Variants in CPAP observed in about 807,000 individuals in gnomAD.
CPAP encodes centrosomal P4.1-associated protein.
the CPAP span, among the ~76,000 whole-genome samples, chr13:24,932,636 T>C: frequency 2.6e-5 from 4 of 152,246 alleles, no homozygotes; most frequent in African/African-American, 7.2e-5. Flanking sequence ...CATAGAATTA[T>C]ATACAAAAAC....
the CPAP span, among the ~76,000 whole-genome samples, chr13:24,890,532 C>T: frequency 6.6e-6 from 1 of 152,214 alleles, no homozygotes; most frequent in Non-Finnish European, 1.5e-5. Context: ...TTGTCACACA[C>T]ACTGTCAGCT....
chr13:24,906,414 T>A, the CPAP span: 29 of 1,613,758 alleles, frequency 1.8e-5, no homozygotes, highest in Non-Finnish European at 2.5e-5. Flanking sequence ...GTCTCCCTTA[T>A]GGGGCTCTTA....
the CPAP span, chr13:24,883,149 C>CTGT: frequency 6.3e-7 from 1 of 1,589,866 alleles, no homozygotes; most frequent in Admixed American, 1.7e-5. Context: ...AAGTCAGTTA[C>CTGT]TGTTACTTCA....
At chr13:24,900,233 C>T in the CPAP span, among the ~76,000 whole-genome samples, 1 of 152,150 alleles carries the variant, frequency 6.6e-6, no homozygotes, top group African/African-American at 2.4e-5. Context: ...CAGCAAGTGC[C>T]AAGGCCCTGA....
the CPAP span, among the ~76,000 whole-genome samples, chr13:24,918,398 C>T: frequency 6.6e-6 from 1 of 152,186 alleles, no homozygotes; most frequent in Admixed American, 6.5e-5. Context: ...ATGCAGTTGA[C>T]CCTTGAACAA....
At chr13:24,926,493 T>G in the CPAP span, among the ~76,000 whole-genome samples, 1 of 152,186 alleles carries the variant, frequency 6.6e-6, no homozygotes, top group Admixed American at 6.5e-5. Context: ...AGTAACATCT[T>G]TAACGTTATG....
the CPAP span, among the ~76,000 whole-genome samples, chr13:24,897,545 A>C: frequency 5.9e-5 from 9 of 152,210 alleles, no homozygotes; most frequent in Admixed American, 5.9e-4. Flanking sequence ...GATTCTTGTA[A>C]ACAGAAAAAG....
the CPAP span, chr13:24,884,583 AG>A: frequency 2.1e-6 from 2 of 971,242 alleles, no homozygotes; most frequent in Non-Finnish European, 3.3e-6. Flanking sequence ...TTCCCTCAAA[AG>A]ATCCTTTATT....
the CPAP span, among the ~76,000 whole-genome samples, chr13:24,898,540 AG>A: frequency 6.6e-6 from 1 of 152,226 alleles, no homozygotes; most frequent in Non-Finnish European, 1.5e-5. Context: ...TTGAAATAAA[AG>A]TTTTAATATT....
At chr13:24,929,481 G>A in the CPAP span, among the ~76,000 whole-genome samples, 3 of 152,178 alleles carry the variant, frequency 2.0e-5, no homozygotes, top group African/African-American at 7.2e-5. Flanking sequence ...GTAATAAATT[G>A]GCTGTTAATC....
the CPAP span, chr13:24,883,071 A>ATCTT: frequency 9.7e-7 from 1 of 1,035,310 alleles, no homozygotes; most frequent in East Asian, 2.4e-5. Context: ...TTAGAATCTA[A>ATCTT]TCTTTTCCCC....
At chr13:24,886,432 T>G in the CPAP span, 1 of 1,142,606 alleles carries the variant, frequency 8.8e-7, no homozygotes. Flanking sequence ...ATCACTGATT[T>G]ATAGGTCCCA....
At chr13:24,918,122 C>T in the CPAP span, among the ~76,000 whole-genome samples, 3 of 152,058 alleles carry the variant, frequency 2.0e-5, no homozygotes, top group Non-Finnish European at 4.4e-5. Context: ...GATGTATGAA[C>T]AATTTTTAAA....
At chr13:24,905,952 C>T in the CPAP span, 2 of 1,614,182 alleles carry the variant, frequency 1.2e-6, no homozygotes, top group Non-Finnish European at 1.7e-6. Context: ...TTTGGAACAC[C>T]TTCATCGTCA....
chr13:24,883,036 A>T, the CPAP span: 1 of 713,842 alleles, frequency 1.4e-6, no homozygotes, highest in Non-Finnish European at 2.4e-6. Flanking sequence ...ATAAAAATGA[A>T]GATGCCACAG....
chr13:24,918,504 G>A, the CPAP span, among the ~76,000 whole-genome samples: 12 of 152,182 alleles, frequency 7.9e-5, no homozygotes, highest in African/African-American at 2.7e-4. Context: ...GCCTACTGTT[G>A]ACTGGAGGCC....
the CPAP span, among the ~76,000 whole-genome samples, chr13:24,884,900 C>T: frequency 6.6e-6 from 1 of 152,226 alleles, no homozygotes; most frequent in East Asian, 1.9e-4. Flanking sequence ...ATATCCCTTT[C>T]TTCCTCATTC....
the CPAP span, among the ~76,000 whole-genome samples, chr13:24,921,575 T>C: frequency 6.6e-6 from 1 of 152,166 alleles, no homozygotes; most frequent in Non-Finnish European, 1.5e-5. Flanking sequence ...TGTAAAAACT[T>C]TTTCTAAGCA....
At chr13:24,901,605 G>A in the CPAP span, among the ~76,000 whole-genome samples, 1 of 152,196 alleles carries the variant, frequency 6.6e-6, no homozygotes, top group Non-Finnish European at 1.5e-5. Flanking sequence ...TCCATTAACT[G>A]ATTAGTCACA....
Sources: allele counts gnomAD v4.1 joint callset (sites outside exome capture counted in the v4.1 genomes callset), GRCh38; gene constraint gnomAD v4.1.1; transcripts MANE v1.5; gene names NCBI Gene and HGNC (gene_info 2026-07-23, HGNC 2026-07-21).